Variants in SAMD12 observed in about 807,000 individuals in gnomAD.
SAMD12 encodes the protein sterile alpha motif domain containing 12, also known as sterile alpha motif domain-containing protein 12.
In SAMD12, 9 loss-of-function variants were observed where a neutral mutation model predicts 15.0. That is an observed-to-expected ratio of 0.60 (90% CI 0.36 to 1.05). The LOEUF (loss-of-function observed/expected upper bound fraction) is 1.05, where lower values mean the gene tolerates loss of function less well. Among genes scored for constraint, SAMD12 ranks in the 50% least tolerant of loss-of-function variants. The pLI is 0.01. For missense variants in SAMD12, 230 were observed against 234.2 expected, an observed-to-expected ratio of 0.98 and a Z score of 0.12; for synonymous variants, 86 against 90.1, an observed-to-expected ratio of 0.96 and a Z score of 0.25.
At chr8:118,263,635 T>C (rs564304698) in intron 4 of SAMD12, among the ~76,000 whole-genome samples, 2 of 152,180 alleles carry the variant, frequency 1.3e-5, no homozygotes, top group African/African-American at 4.8e-5. Flanking sequence ...GCTTCTAGAA[T>C]GTTAAGAATT....
In SAMD12 at chr8:118,621,836, C is replaced by T. The variant is rs1326435988; in HGVS notation, c.-20G>A. ...AGCCATTCTCTCAGAGCTTCCCTAA[C>T]GCATGCATAATTTTCTTGGCCGAGG... On this transcript the variant is annotated 5_prime_UTR_variant, in exon 1 of 4. Transcript: ENST00000314727. 1.2e-6 allele frequency: 2 copies of T among 1,613,824 alleles called. No homozygotes were observed. The highest frequency in any genetic ancestry group is 1.7e-6 in the Non-Finnish European group (2 of 1,179,820).
chr8:118,556,942 C>A (rs577321517), intron 2 of SAMD12, among the ~76,000 whole-genome samples: 1 of 150,454 alleles, frequency 6.6e-6, no homozygotes, highest in Non-Finnish European at 1.5e-5. Flanking sequence ...CCAGCCCAGG[C>A]GACAGTGCGA....
At chr8:118,176,260 C>T in the SAMD12 span, among the ~76,000 whole-genome samples, 2 of 152,062 alleles carry the variant, frequency 1.3e-5, no homozygotes, top group Non-Finnish European at 2.9e-5. Context: ...GAGATCGTGC[C>T]ACTGCATTCC....
intron 4 of SAMD12, among the ~76,000 whole-genome samples, chr8:118,370,397 C>A (rs187896432): frequency 1.3e-5 from 2 of 152,124 alleles, no homozygotes; most frequent in Non-Finnish European, 2.9e-5. Context: ...AGACCTGGAA[C>A]TGGAAATATC....
At chr8:118,512,108 T>C (rs930324390) in intron 2 of SAMD12, among the ~76,000 whole-genome samples, 1 of 152,174 alleles carries the variant, frequency 6.6e-6, no homozygotes, top group Non-Finnish European at 1.5e-5. Context: ...ATCTATATTG[T>C]TTTTGGAGCA....
the SAMD12 span, among the ~76,000 whole-genome samples, chr8:118,145,776 G>A: frequency 2.0e-5 from 3 of 152,218 alleles, no homozygotes; most frequent in Admixed American, 1.3e-4. Context: ...ATCTGATGAA[G>A]TCTTAGCTGA....
chr8:118,240,732 G>A (rs866830990), intron 4 of SAMD12, among the ~76,000 whole-genome samples: 5 of 151,006 alleles, frequency 3.3e-5, no homozygotes, highest in South Asian at 2.2e-4. Flanking sequence ...GACTACAAGC[G>A]TTGCTCAATT....
intron 4 of SAMD12, among the ~76,000 whole-genome samples, chr8:118,295,983 G>A (rs1037173744): frequency 6.6e-6 from 1 of 152,154 alleles, no homozygotes; most frequent in Non-Finnish European, 1.5e-5. Context: ...GGGATGGGAA[G>A]TAAGGCAATT....
chr8:118,582,177 T>C (rs1359212387), intron 1 of SAMD12, among the ~76,000 whole-genome samples: 2 of 152,152 alleles, frequency 1.3e-5, no homozygotes, highest in African/African-American at 4.8e-5. Flanking sequence ...TTAATAGATA[T>C]CATCTATTCC....
chr8:118,185,184 G>A (rs1011325754), downstream of SAMD12, among the ~76,000 whole-genome samples: 2 of 152,054 alleles, frequency 1.3e-5, no homozygotes, highest in Non-Finnish European at 2.9e-5. Context: ...GAACTATGGT[G>A]TATTAGAAGC....
At chr8:118,343,581 A>G (rs1817481056) in intron 4 of SAMD12, among the ~76,000 whole-genome samples, 2 of 152,126 alleles carry the variant, frequency 1.3e-5, no homozygotes, top group Non-Finnish European at 2.9e-5. Flanking sequence ...CAAATTTGTG[A>G]TCTTGTACAT....
chr8:118,248,553 GTA>G (rs1812748404), intron 4 of SAMD12, among the ~76,000 whole-genome samples: 1 of 151,990 alleles, frequency 6.6e-6, no homozygotes, highest in South Asian at 2.1e-4. Context: ...GCAATCATGA[GTA>G]TATATTCGCT....
chr8:118,447,111 CCA>C lies in SAMD12; in HGVS notation c.193-7152_193-7151del, dbSNP rs527248341. Among the ~76,000 whole-genome samples the C allele has an allele frequency of 4.6e-5, 7 of 152,168 alleles. No individual in the cohort carries two copies. The East Asian group carries it at 1.2e-3, about 25-fold the overall frequency. On this transcript the variant is annotated intron_variant, in intron 2 of 3. Coordinates refer to ENST00000314727, the MANE Select transcript of SAMD12 (RefSeq NM_207506.3). ...TAGACTTTCGTCTTTCTCTTGTACT[CCA>C]CATATAATCTATTAGGGAAACCTGA...
At chr8:118,559,967 C>T (rs1317005410) in intron 2 of SAMD12, among the ~76,000 whole-genome samples, 1 of 151,900 alleles carries the variant, frequency 6.6e-6, no homozygotes, top group Non-Finnish European at 1.5e-5. Context: ...ATATCAGAAA[C>T]AGTTAAAGAA....
chr8:118,455,991 C>G (rs778096453), intron 2 of SAMD12, among the ~76,000 whole-genome samples: 3 of 152,226 alleles, frequency 2.0e-5, no homozygotes, highest in Non-Finnish European at 2.9e-5. Flanking sequence ...TTTCCACCTA[C>G]AGTCTATTGT....
intron 2 of SAMD12, among the ~76,000 whole-genome samples, chr8:118,509,592 C>T (rs1352081484): frequency 6.6e-6 from 1 of 152,198 alleles, no homozygotes; most frequent in Non-Finnish European, 1.5e-5. Flanking sequence ...ATCCTGGACA[C>T]TACTTCCCTA....
At chr8:118,427,608 C>T (rs1335471090) in intron 3 of SAMD12, among the ~76,000 whole-genome samples, 5 of 101,822 alleles carry the variant, frequency 4.9e-5, no homozygotes, top group African/African-American at 1.3e-4. Context: ...GATTCACTCA[C>T]ATTGTGTGCA....
At chr8:118,426,892 C>T (rs560288597) in intron 3 of SAMD12, among the ~76,000 whole-genome samples, 11 of 152,210 alleles carry the variant, frequency 7.2e-5, no homozygotes, top group African/African-American at 2.4e-4. Flanking sequence ...GAGCAAAATA[C>T]AAAAGGTGGC....
At chr8:118,447,571 G>A (rs1349209168) in intron 2 of SAMD12, among the ~76,000 whole-genome samples, 1 of 151,926 alleles carries the variant, frequency 6.6e-6, no homozygotes, top group Non-Finnish European at 1.5e-5. Context: ...CCAAAGTGCT[G>A]GGATTACAGG....
Sources: allele counts gnomAD v4.1 joint callset (sites outside exome capture counted in the v4.1 genomes callset), GRCh38; gene constraint gnomAD v4.1.1; transcripts MANE v1.5; gene names NCBI Gene and HGNC (gene_info 2026-07-23, HGNC 2026-07-21).